The following ARMH4 variants were observed in gnomAD, a reference collection of about 807,000 sequenced individuals.
ARMH4 encodes the protein armadillo-like helical domain-containing protein 4.
A neutral mutation model predicts 61.9 loss-of-function variants in ARMH4; 49 were observed. The observed-to-expected ratio is 0.79, with a 90% confidence interval of 0.63 to 1.00. The LOEUF is 1.00. Among genes scored for constraint, ARMH4 ranks in the 50% least tolerant of loss-of-function variants. The pLI, the probability that ARMH4 is intolerant of heterozygous loss-of-function variation, is 0.00. For missense variants in ARMH4, 934 were observed against 930.0 expected (o/e 1.00, Z -0.06); for synonymous variants, 368 against 341.5 (o/e 1.08, Z -0.85).
chr14:58,027,798 G>A (rs1883075166), intron 5 of ARMH4, among the ~76,000 whole-genome samples: 3 of 152,240 alleles, frequency 2.0e-5, no homozygotes, highest in Non-Finnish European at 2.9e-5. Flanking sequence ...TTTCAGGGGT[G>A]TATACTTGTC....
intron 5 of ARMH4, among the ~76,000 whole-genome samples, chr14:58,013,354 T>C (rs1427989517): frequency 2.0e-5 from 3 of 152,210 alleles, no homozygotes; most frequent in Admixed American, 6.5e-5. Context: ...AATCTTCAAA[T>C]GTCATAAATA....
rs1328370810 is a variant in ARMH4, at chr14:58,001,403, T to C, written c.*3333A>G. The C allele has an allele frequency of 1.3e-5, 2 of 152,188 alleles. No homozygotes were observed. The highest frequency in any genetic ancestry group is 1.3e-4 in the Admixed American group (2 of 15,274). The allele number at this position is 152,188 out of a possible 1,614,324, so 9.4% of individuals were successfully genotyped here. ...TACTTCTTCAAGATCCTGATTTCTA[T>C]TCTTTTGGATATATGCCCAGAAGTG... On this transcript the variant is annotated 3_prime_UTR_variant, in exon 8 of 8. Transcript: ENST00000267485.
rs544087047 is a variant in ARMH4, at chr14:58,147,504, G to A, written c.-57+4571C>T. 4.6e-5 allele frequency among the ~76,000 whole-genome samples: 7 copies of A among 152,048 alleles called. No individual in the cohort carries two copies. The South Asian group carries it at 8.3e-4, about 18-fold the overall frequency. On this transcript the variant is annotated intron_variant, in intron 1 of 7. Transcript: ENST00000267485. ...TAGTTTGTGTGTTTTTAGTAGAGAC[G>A]GCATTTCACCATGTTGGCCAGGATG...
chr14:58,148,847 A>G (rs529081069), intron 1 of ARMH4, among the ~76,000 whole-genome samples: 409 of 51,070 alleles, frequency 8.0e-3, no homozygotes, highest in African/African-American at 0.031. Context: ...AGAGTTTATT[A>G]CACACACACA....
At chr14:58,131,803 A>G (rs1887119371) in intron 3 of ARMH4, 82 bp from the exon 4 acceptor site, 1 of 1,331,120 alleles carries the variant, frequency 7.5e-7, no homozygotes, top group African/African-American at 1.4e-5. Context: ...TTTTTAGGCA[A>G]GAAATGATTA....
intron 5 of ARMH4, among the ~76,000 whole-genome samples, chr14:58,018,387 T>A (rs1022772838): frequency 2.0e-5 from 3 of 151,864 alleles, no homozygotes; most frequent in Non-Finnish European, 4.4e-5. Context: ...GATAAGGGGT[T>A]AATATCCAAA....
chr14:58,017,904 T>C (rs928213347), intron 5 of ARMH4, among the ~76,000 whole-genome samples: 1 of 151,784 alleles, frequency 6.6e-6, no homozygotes, highest in African/African-American at 2.4e-5. Context: ...CAAAACAGCA[T>C]GGCATTGGCA....
rs534109438 is a variant in ARMH4, at chr14:58,006,939, T to A, written c.2122-1757A>T. Among the ~76,000 whole-genome samples the A allele has an allele frequency of 3.3e-5, 5 of 152,208 alleles. No individual in the cohort carries two copies. The South Asian group carries it at 1.0e-3, about 32-fold the overall frequency. ...ATAAATAAATAAATAAATTAATTAA[T>A]TAATATGCTTTGTAGAAGCCCAAAC... On this transcript the variant is annotated intron_variant, in intron 6 of 7. Transcript: ENST00000267485.
At chr14:58,069,030 A>T (rs1258800800) in intron 5 of ARMH4, among the ~76,000 whole-genome samples, 1 of 151,528 alleles carries the variant, frequency 6.6e-6, no homozygotes, top group Non-Finnish European at 1.5e-5. Context: ...AAAGAGAGAC[A>T]GAGATAAAAA....
chr14:58,128,416 T>C (rs566642555), intron 4 of ARMH4, among the ~76,000 whole-genome samples: 1 of 152,370 alleles, frequency 6.6e-6, no homozygotes, highest in African/African-American at 2.4e-5. Flanking sequence ...ATGTTTGTTA[T>C]GTTTGTATTT....
intron 6 of ARMH4, among the ~76,000 whole-genome samples, chr14:58,008,928 T>C (rs1256255608): frequency 6.6e-6 from 1 of 152,196 alleles, no homozygotes; most frequent in Admixed American, 6.5e-5. Flanking sequence ...ACAATTAAAA[T>C]TGTTATGCAT....
At chr14:58,125,037 G>A (rs1886851776) in intron 4 of ARMH4, among the ~76,000 whole-genome samples, 1 of 152,128 alleles carries the variant, frequency 6.6e-6, no homozygotes, top group Non-Finnish European at 1.5e-5. Flanking sequence ...GAAGTCTTTA[G>A]GAGATTATTA....
At chr14:58,096,130 G>A (rs1247602185) in intron 5 of ARMH4, among the ~76,000 whole-genome samples, 1 of 152,064 alleles carries the variant, frequency 6.6e-6, no homozygotes, top group East Asian at 1.9e-4. Context: ...AGCATGGAGT[G>A]GTCTGGCCAC....
intron 5 of ARMH4, among the ~76,000 whole-genome samples, chr14:58,042,461 G>A (rs986859547): frequency 6.6e-6 from 1 of 152,052 alleles, no homozygotes; most frequent in Non-Finnish European, 1.5e-5. Context: ...TGTGTAGAGG[G>A]AAATTTATAG....
intron 5 of ARMH4, among the ~76,000 whole-genome samples, chr14:58,024,104 A>C (rs936652703): frequency 1.3e-5 from 2 of 152,220 alleles, no homozygotes; most frequent in African/African-American, 4.8e-5. Flanking sequence ...CAGTGGCATT[A>C]GCCCCTAACA....
intron 5 of ARMH4, among the ~76,000 whole-genome samples, chr14:58,083,425 T>C (rs938246106): frequency 2.6e-5 from 4 of 152,042 alleles, no homozygotes; most frequent in Non-Finnish European, 5.9e-5. Context: ...ACTTAAAAAA[T>C]TAAAAATATT....
At chr14:58,105,666 A>G (rs4901848) in intron 4 of ARMH4, among the ~76,000 whole-genome samples, 74,344 of 150,162 alleles carry the variant, frequency 0.5, 19,039 homozygotes, top group Middle Eastern at 0.61. Flanking sequence ...CAGCCTGGGC[A>G]ACAGAGTAAG....
intron 5 of ARMH4, among the ~76,000 whole-genome samples, chr14:58,080,005 T>C (rs896059612): frequency 1.3e-5 from 2 of 152,306 alleles, no homozygotes. Context: ...AAGAGTGACA[T>C]AGTTCACCCT....
intron 5 of ARMH4, among the ~76,000 whole-genome samples, chr14:58,057,465 TA>T (rs1457473837): frequency 6.6e-6 from 1 of 152,204 alleles, no homozygotes; most frequent in Non-Finnish European, 1.5e-5. Context: ...AATTAAGTCA[TA>T]TAACTAGTTA....
Sources: gnomAD v4.1 joint callset for allele counts (sites outside exome capture counted in the v4.1 genomes callset) on GRCh38, gnomAD v4.1.1 for gene constraint, MANE v1.5 for transcripts, NCBI Gene and HGNC (gene_info 2026-07-23, HGNC 2026-07-21) for gene names.